GPC5: variants seen among roughly 807,000 people sequenced by gnomAD.
GPC5 encodes glypican 5, also known as glypican-5.
A neutral mutation model predicts 53.9 loss-of-function variants in GPC5; 47 were observed. The ratio of observed to expected loss-of-function variants is 0.87; its 90% CI spans 0.69 to 1.11. The LOEUF (loss-of-function observed/expected upper bound fraction) is 1.11. Among genes scored for constraint, GPC5 ranks in the 50% most tolerant of loss-of-function variants. The pLI is 0.00. For missense variants in GPC5, 748 were observed against 713.1 expected (o/e 1.05, Z -0.56); for synonymous variants, 286 against 263.3 (o/e 1.09, Z -0.84).
intron 2 of GPC5, among the ~76,000 whole-genome samples, chr13:91,641,233 C>T (rs2034421318): frequency 1.3e-5 from 2 of 152,182 alleles, no homozygotes; most frequent in African/African-American, 4.8e-5. Context: ...GAGGCTGAGG[C>T]AGGAGAATGG....
rs988514220 is a variant in GPC5, at chr13:92,700,350, G to A, written c.1562-165932G>A. 2.0e-5 allele frequency among the ~76,000 whole-genome samples: 3 copies of A among 149,586 alleles called. No homozygotes were observed. In the South Asian group the frequency reaches 6.3e-4, roughly 32 times the overall value. ...TATGTGTGTCTTTGCACATGAGATG[G>A]GTCTCCTGCATACAGCACTCTGATG... On this transcript the variant is annotated intron_variant, in intron 7 of 7. Coordinates refer to ENST00000377067, the MANE Select transcript of GPC5 (RefSeq NM_004466.6).
intron 7 of GPC5, among the ~76,000 whole-genome samples, chr13:92,718,073 GA>G (rs1888388804): frequency 6.6e-6 from 1 of 152,166 alleles, no homozygotes; most frequent in Non-Finnish European, 1.5e-5. Flanking sequence ...AGGATGTGGA[GA>G]AAAGGGAACG....
intron 1 of GPC5, among the ~76,000 whole-genome samples, chr13:91,443,895 T>C (rs1159300398): frequency 6.6e-6 from 1 of 152,200 alleles, no homozygotes; most frequent in Admixed American, 6.5e-5. Flanking sequence ...GATCCGGATT[T>C]TCAAGAATAC....
intron 1 of GPC5, among the ~76,000 whole-genome samples, chr13:91,412,113 A>G (rs1044019756): frequency 2.0e-5 from 3 of 152,206 alleles, no homozygotes; most frequent in African/African-American, 4.8e-5. Flanking sequence ...ACACCCCATG[A>G]TGATGTGATA....
At chr13:91,922,411 A>G (rs967939427) in intron 6 of GPC5, among the ~76,000 whole-genome samples, 9 of 152,118 alleles carry the variant, frequency 5.9e-5, no homozygotes, top group Admixed American at 4.6e-4. Context: ...CCTTGTCTGC[A>G]CCAACCTGGT....
rs2039570446 is a variant in GPC5, at chr13:91,907,812, A to G, written c.1281-125A>G. On this transcript the variant is annotated intron_variant, in intron 5 of 7. Transcript: ENST00000377067. ...TTACAGCTGTGCCAGTTTCTGTTCCAAGAGAAAAATACATTGGTGTATTCT... is the reference window on the plus strand; with the variant it reads ...TTACAGCTGTGCCAGTTTCTGTTCCGAGAGAAAAATACATTGGTGTATTCT... 7.8e-6 allele frequency: 7 copies of G among 897,882 alleles called. No individual in the cohort carries two copies. The South Asian group carries it at 1.2e-4, about 15-fold the overall frequency. 55.6% of individuals were successfully genotyped at this position (897,882 alleles called of 1,614,324 possible).
At chr13:91,456,494 T>A (rs1216675035) in intron 2 of GPC5, among the ~76,000 whole-genome samples, 1 of 152,020 alleles carries the variant, frequency 6.6e-6, no homozygotes, top group East Asian at 1.9e-4. Flanking sequence ...ATAATTTTTT[T>A]AAGATCCAAA....
In GPC5 at chr13:92,336,858, A is replaced by C. The variant is rs574281548; in HGVS notation, c.1561+191869A>C. Among the ~76,000 whole-genome samples, 4 of 152,152 alleles carry C rather than the reference A, an allele frequency of 2.6e-5. No individual in the cohort carries two copies. In the South Asian group the frequency reaches 8.3e-4, roughly 32 times the overall value. On this transcript the variant is annotated intron_variant, in intron 7 of 7. Coordinates refer to ENST00000377067, the MANE Select transcript of GPC5 (RefSeq NM_004466.6). ...TCTAATTTTTAAAAAAGAGATGGGA[A>C]TCTCTCTATGTCACCCAGACTGGTC... is the stretch of plus-strand genomic sequence containing the variant.
At chr13:92,102,787 G>A (rs960259595) in intron 6 of GPC5, among the ~76,000 whole-genome samples, 1 of 152,190 alleles carries the variant, frequency 6.6e-6, no homozygotes, top group African/African-American at 2.4e-5. Context: ...CTGTACCTCA[G>A]CACTTTCTCT....
chr13:92,195,733 C>G (rs1409631563), intron 7 of GPC5, among the ~76,000 whole-genome samples: 6 of 152,204 alleles, frequency 3.9e-5, no homozygotes, highest in Non-Finnish European at 1.5e-5. Context: ...GTAATAAACT[C>G]AAATGATACT....
intron 6 of GPC5, among the ~76,000 whole-genome samples, chr13:92,019,165 C>A (rs1376329858): frequency 6.6e-6 from 1 of 151,796 alleles, no homozygotes; most frequent in Non-Finnish European, 1.5e-5. Flanking sequence ...TTATACTCTC[C>A]AATTAATATT....
chr13:92,380,757 G>T (rs1171672660), intron 7 of GPC5, among the ~76,000 whole-genome samples: 1 of 125,948 alleles, frequency 7.9e-6, no homozygotes, highest in Non-Finnish European at 1.6e-5. Context: ...GGGGACTGTT[G>T]TGGGGTGGGG....
At chr13:92,841,934 T>C (rs1878443626) in intron 7 of GPC5, among the ~76,000 whole-genome samples, 1 of 152,116 alleles carries the variant, frequency 6.6e-6, no homozygotes, top group Non-Finnish European at 1.5e-5. Context: ...GGTAGCATGA[T>C]TTAGAGATTT....
chr13:92,608,233 C>A (rs1884317460), intron 7 of GPC5, among the ~76,000 whole-genome samples: 1 of 152,160 alleles, frequency 6.6e-6, no homozygotes, highest in Admixed American at 6.5e-5. Context: ...TGGCTAGCAC[C>A]TCCAACTCTT....
intron 6 of GPC5, among the ~76,000 whole-genome samples, chr13:92,077,584 T>C (rs2041262172): frequency 6.6e-6 from 1 of 152,070 alleles, no homozygotes; most frequent in South Asian, 2.1e-4. Flanking sequence ...AGGTATCCAG[T>C]CATAAAGCCA....
intron 4 of GPC5, among the ~76,000 whole-genome samples, chr13:91,755,794 A>T (rs2037276967): frequency 6.6e-6 from 1 of 152,130 alleles, no homozygotes; most frequent in Non-Finnish European, 1.5e-5. Flanking sequence ...AAGAAGACCC[A>T]GATAGGAAAA....
chr13:91,887,867 C>G (rs1268598971), intron 5 of GPC5, among the ~76,000 whole-genome samples: 1 of 152,064 alleles, frequency 6.6e-6, no homozygotes, highest in Non-Finnish European at 1.5e-5. Flanking sequence ...CTGAGCTGTC[C>G]AAGTCTCTAG....
chr13:91,878,662 A>G (rs2039230964), intron 5 of GPC5, among the ~76,000 whole-genome samples: 1 of 152,026 alleles, frequency 6.6e-6, no homozygotes, highest in Non-Finnish European at 1.5e-5. Context: ...ATGAGACCAG[A>G]TGGTTTTATA....
chr13:92,753,622 A>C (rs375783656), intron 7 of GPC5, among the ~76,000 whole-genome samples: 1 of 152,082 alleles, frequency 6.6e-6, no homozygotes, highest in African/African-American at 2.4e-5. Flanking sequence ...AACCAATACA[A>C]AGAAGTGCTT....
Sources: gnomAD v4.1 joint callset for allele counts (sites outside exome capture counted in the v4.1 genomes callset) on GRCh38, gnomAD v4.1.1 for gene constraint, MANE v1.5 for transcripts, NCBI Gene and HGNC (gene_info 2026-07-23, HGNC 2026-07-21) for gene names.